The following ZNF589 variants were observed in gnomAD, a reference collection of about 807,000 sequenced individuals.
The protein encoded by ZNF589 is KRAB-zinc finger protein SZF1-1.
In ZNF589, 17 loss-of-function variants were observed where a neutral mutation model predicts 13.6. The observed-to-expected ratio is 1.25, with a 90% CI of 0.86 to 1.88. The LOEUF (loss-of-function observed/expected upper bound fraction) is 1.88, where lower values mean the gene tolerates loss of function less well. Among genes scored for constraint, ZNF589 ranks in the 40% most tolerant of loss-of-function variants. ZNF589 has a pLI of 0.00. For synonymous variants in ZNF589, 148 were observed against 161.6 expected (o/e 0.92, Z 0.64); for missense variants, 407 against 434.0 (o/e 0.94, Z 0.55).
intron 2 of ZNF589, chr3:48,257,821 A>G (rs1384614589): frequency 6.3e-6 from 2 of 316,452 alleles, no homozygotes; most frequent in African/African-American, 4.5e-5. Flanking sequence ...TGCAAAGTCT[A>G]TTCTTCATTG....
chr3:48,258,257 T>C (rs904502415), intron 2 of ZNF589, among the ~76,000 whole-genome samples: 5 of 152,188 alleles, frequency 3.3e-5, no homozygotes, highest in African/African-American at 4.8e-5. Context: ...GCTGGAGTTA[T>C]GTTAGGCACC....
chr3:48,263,788 G>A lies in ZNF589; in HGVS notation c.223+2849G>A, dbSNP rs555106210. 2.0e-5 allele frequency among the ~76,000 whole-genome samples: 3 copies of A among 152,162 alleles called. No individual in the cohort carries two copies. In the South Asian group the frequency reaches 6.2e-4, roughly 32 times the overall value. ...AGAAAAAAAACACAAAACATTATGA[G>A]TACATTTAATTAAATATGAATTTTG... On this transcript the variant is annotated intron_variant, in intron 3 of 3. Transcript: ENST00000354698.
intron 2 of ZNF589, among the ~76,000 whole-genome samples, chr3:48,249,317 G>A (rs2033808106): frequency 6.6e-6 from 1 of 152,100 alleles, no homozygotes; most frequent in African/African-American, 2.4e-5. Context: ...TAGCCAGGCT[G>A]GTCTCGAACT....
intron 2 of ZNF589, among the ~76,000 whole-genome samples, chr3:48,258,347 G>A (rs1205735524): frequency 1.3e-5 from 2 of 152,056 alleles, no homozygotes; most frequent in African/African-American, 2.4e-5. Flanking sequence ...ATATGAATAC[G>A]ATGGATTTTT....
At chr3:48,256,392 C>A in intron 2 of ZNF589, 1 of 563,914 alleles carries the variant, frequency 1.8e-6, no homozygotes, top group South Asian at 1.4e-5. Context: ...AGACATTGTC[C>A]CTCAGGAGGG....
At chr3:48,256,334 G>A (rs754326329) in intron 2 of ZNF589, 2 of 511,646 alleles carry the variant, frequency 3.9e-6, no homozygotes, top group Non-Finnish European at 7.7e-6. Flanking sequence ...AACTCTGGAA[G>A]CTCTTCTGTC....
At chr3:48,264,403 C>T (rs528789364) in intron 3 of ZNF589, among the ~76,000 whole-genome samples, 11 of 152,014 alleles carry the variant, frequency 7.2e-5, no homozygotes, top group Non-Finnish European at 1.3e-4. Context: ...CGAGGTGGCA[C>T]GTGCCTGTAA....
At position 48,268,783 on chromosome 3, in the gene ZNF589, T is replaced by C. The variant is rs921457379; in HGVS notation, c.1092T>C (p.Asp364=). 6.2e-7 allele frequency: 1 copy of C among 1,608,358 alleles called. No individual in the cohort carries two copies. The highest frequency in any genetic ancestry group is 8.5e-7 in the Non-Finnish European group (1 of 1,177,470). ...GGGATAAGCCTTATGTGTGCAGAGA[T>C]TGAGGCCGAGGCTTTGTAAGGAGAT... The part of the protein sequence containing the change: ...HTGDKPYVCR[D] The change falls in exon 4 of 4, where the codon GAT becomes GAC. Residue 364 remains aspartate, a synonymous_variant. Transcript: ENST00000354698.
intron 2 of ZNF589, among the ~76,000 whole-genome samples, chr3:48,255,626 C>T (rs566665803): frequency 3.3e-5 from 5 of 151,712 alleles, no homozygotes; most frequent in African/African-American, 7.2e-5. Context: ...CCCGAGTAGC[C>T]GGTATTACAG....
intron 2 of ZNF589, among the ~76,000 whole-genome samples, chr3:48,259,591 T>C (rs1298349976): frequency 1.3e-5 from 2 of 152,132 alleles, no homozygotes; most frequent in Non-Finnish European, 2.9e-5. Flanking sequence ...AGAGAAGAGG[T>C]ACTCAGGGTA....
intron 1 of ZNF589, among the ~76,000 whole-genome samples, chr3:48,243,278 C>T (rs552883795): frequency 3.9e-5 from 6 of 151,946 alleles, no homozygotes; most frequent in African/African-American, 1.4e-4. Context: ...GAGACTTCAT[C>T]TTTGTGTTAA....
chr3:48,249,502 G>A (rs527594375), intron 2 of ZNF589, among the ~76,000 whole-genome samples: 6 of 152,008 alleles, frequency 3.9e-5, no homozygotes, highest in African/African-American at 7.3e-5. Flanking sequence ...ATTCAATATC[G>A]TTTCTGATTT....
At chr3:48,253,885 G>C (rs2033868143) in intron 2 of ZNF589, among the ~76,000 whole-genome samples, 1 of 152,090 alleles carries the variant, frequency 6.6e-6, no homozygotes, top group Non-Finnish European at 1.5e-5. Context: ...GAGCCCAGGA[G>C]TTCAAGACTA....
chr3:48,246,426 CT>C (rs900551315), intron 1 of ZNF589, among the ~76,000 whole-genome samples: 3 of 152,170 alleles, frequency 2.0e-5, no homozygotes, highest in African/African-American at 7.2e-5. Flanking sequence ...TACTCATGCT[CT>C]TTTGTAAAAT....
intron 2 of ZNF589, among the ~76,000 whole-genome samples, chr3:48,257,659 A>G (rs1431291804): frequency 6.6e-6 from 1 of 152,086 alleles, no homozygotes; most frequent in Non-Finnish European, 1.5e-5. Context: ...GTCCCAATAT[A>G]GATCTTCTCC....
At chr3:48,241,377 C>T (rs1451853958) in intron 1 of ZNF589, among the ~76,000 whole-genome samples, 163 bp downstream of exon 1, 1 of 151,528 alleles carries the variant, frequency 6.6e-6, no homozygotes, top group Non-Finnish European at 1.5e-5. Flanking sequence ...CAGGTTCCTC[C>T]CTAGGTGTCC....
chr3:48,264,456 T>C (rs1332285006), intron 3 of ZNF589, among the ~76,000 whole-genome samples: 1 of 148,458 alleles, frequency 6.7e-6, no homozygotes, highest in African/African-American at 2.5e-5. Flanking sequence ...TCACTTGAAC[T>C]TGGGAGGCGG....
Position 48,264,903 on chromosome 3 carries a change from G to C in ZNF589, c.224-3012G>C, listed in dbSNP as rs140014787. On this transcript the variant is annotated intron_variant, in intron 3 of 3. Transcript: ENST00000354698. Reference sequence around the variant, plus strand: ...ACTCCCATTCCATTCTTCTGTTCCTGCTTCTAGGGCAGAACTCTGTGGTTC... The same window carrying C: ...ACTCCCATTCCATTCTTCTGTTCCTCCTTCTAGGGCAGAACTCTGTGGTTC... Among the ~76,000 whole-genome samples, 89 of 152,260 alleles carry C rather than the reference G, an allele frequency of 5.8e-4. No homozygotes were observed. The East Asian group carries it at 0.017, about 29-fold the overall frequency.
At chr3:48,255,970 T>C (rs2106840187) in intron 2 of ZNF589, among the ~76,000 whole-genome samples, 1 of 152,326 alleles carries the variant, frequency 6.6e-6, no homozygotes, top group East Asian at 1.9e-4. Flanking sequence ...GATATGATCA[T>C]ATGATTTTGT....
Sources: gnomAD v4.1 joint callset for allele counts (sites outside exome capture counted in the v4.1 genomes callset) on GRCh38, gnomAD v4.1.1 for gene constraint, MANE v1.5 for transcripts, NCBI Gene and HGNC (gene_info 2026-07-23, HGNC 2026-07-21) for gene names.